Variants in FTCDNL1 observed in about 807,000 individuals in gnomAD.
FTCDNL1 encodes the protein formiminotransferase cyclodeaminase N-terminal like.
FTCDNL1 carries 11 observed loss-of-function variants against 5.9 expected under a neutral mutation model. The ratio of observed to expected loss-of-function variants is 1.87; its 90% CI spans 1.18 to 3.10. The LOEUF (loss-of-function observed/expected upper bound fraction) is 3.10. Ranked by LOEUF, FTCDNL1 falls within the 30% of genes most tolerant of loss-of-function variation. The probability of loss-of-function intolerance (pLI) is 0.00; values close to 1 mark genes in which losing one functional copy is unlikely to be tolerated. For synonymous variants in FTCDNL1, 58 were observed against 24.8 expected, an observed-to-expected ratio of 2.34 and a Z score of -3.99; for missense variants, 115 against 65.5, an observed-to-expected ratio of 1.76 and a Z score of -2.61.
chr2:199,755,019 G>C, the FTCDNL1 span, among the ~76,000 whole-genome samples: 1 of 152,062 alleles, frequency 6.6e-6, no homozygotes, highest in Non-Finnish European at 1.5e-5. Context: ...TGAGTTAAAG[G>C]ACCCAAGTTT....
At chr2:199,713,472 C>A in the FTCDNL1 span, among the ~76,000 whole-genome samples, 4 of 152,140 alleles carry the variant, frequency 2.6e-5, no homozygotes, top group Non-Finnish European at 4.4e-5. Flanking sequence ...CAGGGCAAAC[C>A]AAACAGTTGC....
chr2:199,727,761 T>C, the FTCDNL1 span, among the ~76,000 whole-genome samples: 1 of 152,170 alleles, frequency 6.6e-6, no homozygotes, highest in Non-Finnish European at 1.5e-5. Context: ...GAATTTGGCC[T>C]CAATTAAAAA....
chr2:199,721,433 C>G, the FTCDNL1 span, among the ~76,000 whole-genome samples: 1 of 152,124 alleles, frequency 6.6e-6, no homozygotes, highest in Non-Finnish European at 1.5e-5. Flanking sequence ...ATCCATGTCC[C>G]TTCAAAGGAC....
At chr2:199,817,525 G>T (rs1203052176) in intron 4 of FTCDNL1, among the ~76,000 whole-genome samples, 1 of 152,036 alleles carries the variant, frequency 6.6e-6, no homozygotes, top group South Asian at 2.1e-4. Flanking sequence ...GGGGGGTCAC[G>T]CCTATAATCC....
chr2:199,718,177 A>G, the FTCDNL1 span, among the ~76,000 whole-genome samples: 1 of 152,014 alleles, frequency 6.6e-6, no homozygotes, highest in South Asian at 2.1e-4. Flanking sequence ...AATAGTGTAC[A>G]TTGTACCAAA....
At chr2:199,671,701 T>G in the FTCDNL1 span, among the ~76,000 whole-genome samples, 1 of 152,062 alleles carries the variant, frequency 6.6e-6, no homozygotes, top group Non-Finnish European at 1.5e-5. Flanking sequence ...TCTTCCAGAT[T>G]GACTGAGCTG....
At chr2:199,753,420 A>T in the FTCDNL1 span, among the ~76,000 whole-genome samples, 1 of 152,244 alleles carries the variant, frequency 6.6e-6, no homozygotes, top group Non-Finnish European at 1.5e-5. Flanking sequence ...CCTGCCGAGG[A>T]TGGTGCTGAG....
intron 3 of FTCDNL1, among the ~76,000 whole-genome samples, chr2:199,798,319 T>A (rs959635947): frequency 6.6e-6 from 1 of 152,156 alleles, no homozygotes; most frequent in African/African-American, 2.4e-5. Flanking sequence ...AATTACCAAG[T>A]GGAATAAAAC....
chr2:199,792,561 C>T (rs956689434), intron 3 of FTCDNL1, among the ~76,000 whole-genome samples: 1 of 152,168 alleles, frequency 6.6e-6, no homozygotes, highest in Non-Finnish European at 1.5e-5. Context: ...TGACTACATA[C>T]ATGCCTACCA....
chr2:199,680,974 A>G, the FTCDNL1 span, among the ~76,000 whole-genome samples: 1 of 152,170 alleles, frequency 6.6e-6, no homozygotes, highest in African/African-American at 2.4e-5. Context: ...CTGGCTTCTT[A>G]TATAGAGGTA....
At chr2:199,769,505 G>C (rs1698705799) in intron 3 of FTCDNL1, among the ~76,000 whole-genome samples, 1 of 152,148 alleles carries the variant, frequency 6.6e-6, no homozygotes, top group African/African-American at 2.4e-5. Context: ...GGAATTGTGA[G>C]TCAATTAAAT....
At chr2:199,699,267 G>T in the FTCDNL1 span, among the ~76,000 whole-genome samples, 81,751 of 151,830 alleles carry the variant, frequency 0.54, 23,934 homozygotes, top group South Asian at 0.69. Flanking sequence ...AGGAGTTTGA[G>T]ACCAGCCTGG....
the FTCDNL1 span, among the ~76,000 whole-genome samples, chr2:199,708,133 C>A: frequency 5.3e-5 from 8 of 151,630 alleles, no homozygotes; most frequent in Non-Finnish European, 1.0e-4. Flanking sequence ...TAAATGTCTG[C>A]ATGTCATTTT....
intron 3 of FTCDNL1, among the ~76,000 whole-genome samples, chr2:199,762,592 G>A (rs1698322189): frequency 6.6e-6 from 1 of 152,052 alleles, no homozygotes; most frequent in African/African-American, 2.4e-5. Context: ...CAGTAAAATA[G>A]CACAAATGGA....
At chr2:199,744,203 G>A in the FTCDNL1 span, among the ~76,000 whole-genome samples, 1 of 152,180 alleles carries the variant, frequency 6.6e-6, no homozygotes, top group Non-Finnish European at 1.5e-5. Flanking sequence ...CCTCCAACCT[G>A]AGATGGACTC....
intron 3 of FTCDNL1, among the ~76,000 whole-genome samples, chr2:199,780,194 T>A (rs1699294922): frequency 6.6e-6 from 1 of 152,130 alleles, no homozygotes; most frequent in Non-Finnish European, 1.5e-5. Context: ...TACAGGGACC[T>A]CTGGAGCCCG....
chr2:199,720,495 A>C, the FTCDNL1 span, among the ~76,000 whole-genome samples: 1 of 152,224 alleles, frequency 6.6e-6, no homozygotes, highest in Non-Finnish European at 1.5e-5. Context: ...TCAAGGTGTT[A>C]GCAAGGTCAC....
intron 3 of FTCDNL1, among the ~76,000 whole-genome samples, chr2:199,802,228 G>A (rs1480589319): frequency 6.6e-6 from 1 of 152,108 alleles, no homozygotes; most frequent in Non-Finnish European, 1.5e-5. Flanking sequence ...ATATTACCCA[G>A]GACTTACTAG....
rs2076758875 is a variant in FTCDNL1, at chr2:199,847,365, T to C, written c.116-1195A>G. Among the ~76,000 whole-genome samples the C allele has an allele frequency of 2.6e-5, 4 of 152,204 alleles. No individual in the cohort carries two copies. The South Asian group carries it at 6.2e-4, about 24-fold the overall frequency. ...AAAAGATGAAGTAAGAAGAAGATCA[T>C]GCAACTTCCTATTTTATATAGTTTT... On this transcript the variant is annotated intron_variant, in intron 2 of 4. Transcript: ENST00000420128.
Sources: gnomAD v4.1 joint callset for allele counts (sites outside exome capture counted in the v4.1 genomes callset) on GRCh38, gnomAD v4.1.1 for gene constraint, MANE v1.5 for transcripts, NCBI Gene and HGNC (gene_info 2026-07-23, HGNC 2026-07-21) for gene names.